NLGN1: variants seen among roughly 807,000 people sequenced by gnomAD.
The protein encoded by NLGN1 is neuroligin 1.
Under a neutral mutation model 65.5 loss-of-function variants are expected in NLGN1, and 12 were observed. The ratio of observed to expected loss-of-function variants is 0.18; its 90% CI spans 0.12 to 0.30. The LOEUF is 0.30. Among genes scored for constraint, NLGN1 ranks in the 10% least tolerant of loss-of-function variants. The pLI, the probability that NLGN1 is intolerant of heterozygous loss-of-function variation, is 1.00. For missense variants in NLGN1, 750 were observed against 1,007.1 expected (o/e 0.74, Z 3.46); for synonymous variants, 350 against 359.5 (o/e 0.97, Z 0.30).
intron 4 of NLGN1, among the ~76,000 whole-genome samples, chr3:174,260,189 G>A (rs1746600894): frequency 1.3e-5 from 2 of 150,902 alleles, no homozygotes; most frequent in East Asian, 3.9e-4. Flanking sequence ...TAGTCCTTTG[G>A]GTATATACCC....
chr3:174,116,990 ATTATT>A (rs1403043803), intron 4 of NLGN1, among the ~76,000 whole-genome samples: 2 of 152,142 alleles, frequency 1.3e-5, no homozygotes, highest in Non-Finnish European at 1.5e-5. Flanking sequence ...TTGTACATCC[ATTATT>A]TTATTTTATA....
intron 2 of NLGN1, among the ~76,000 whole-genome samples, chr3:173,534,224 A>G (rs1049202717): frequency 2.0e-5 from 3 of 152,336 alleles, no homozygotes; most frequent in Non-Finnish European, 2.9e-5. Context: ...ATTGGTGGCC[A>G]CATAAACAAC....
chr3:174,234,649 T>C (rs1035255100), intron 4 of NLGN1, among the ~76,000 whole-genome samples: 1 of 152,102 alleles, frequency 6.6e-6, no homozygotes, highest in African/African-American at 2.4e-5. Flanking sequence ...CAAGCAATTA[T>C]TTTAGAGAAA....
rs1772526838 is a variant in NLGN1, at chr3:173,730,125, A to G, written c.494-77555A>G. On this transcript the variant is annotated intron_variant, in intron 3 of 6. Coordinates refer to ENST00000457714, the Ensembl canonical transcript of NLGN1. ...TATAACATTGGAAGGAGTTCAGTGC[A>G]TATATGCTTATATATTATTATATAT... 4.0e-5 allele frequency among the ~76,000 whole-genome samples: 6 copies of G among 151,386 alleles called. No individual in the cohort carries two copies. In the Admixed American group the frequency reaches 4.0e-4, roughly 10 times the overall value.
At chr3:173,908,099 T>C (rs1329104220) in intron 4 of NLGN1, among the ~76,000 whole-genome samples, 2 of 152,222 alleles carry the variant, frequency 1.3e-5, no homozygotes, top group African/African-American at 4.8e-5. Flanking sequence ...AAATATTGAT[T>C]ACTGCATGTT....
chr3:173,453,895 G>A (rs1722073772), intron 2 of NLGN1, among the ~76,000 whole-genome samples: 1 of 152,170 alleles, frequency 6.6e-6, no homozygotes, highest in African/African-American at 2.4e-5. Context: ...GTCCTTTCCA[G>A]AAGGTTTTCA....
intron 4 of NLGN1, among the ~76,000 whole-genome samples, chr3:173,854,758 C>A (rs780763725): frequency 1.3e-5 from 2 of 151,970 alleles, no homozygotes; most frequent in Non-Finnish European, 2.9e-5. Flanking sequence ...GCTCATAGAA[C>A]ATGTAGCATA....
chr3:173,713,826 C>T (rs1769391769), intron 3 of NLGN1, among the ~76,000 whole-genome samples: 1 of 152,064 alleles, frequency 6.6e-6, no homozygotes, highest in Admixed American at 6.6e-5. Context: ...CCTTAGCTTA[C>T]TTTCTATAAA....
Position 174,036,073 on chromosome 3 carries a change from A to G in NLGN1, c.646+228241A>G, listed in dbSNP as rs530773107. Among the ~76,000 whole-genome samples, 3 of 152,278 alleles carry G rather than the reference A, an allele frequency of 2.0e-5. No individual in the cohort carries two copies. The East Asian group carries it at 5.8e-4, about 29-fold the overall frequency. On this transcript the variant is annotated intron_variant, in intron 4 of 6. Transcript: ENST00000457714. ...TGTAAATGTACATGGCGATTTATTA[A>G]CTTATGCAAGAAAAAATATTAATGC...
chr3:173,820,110 C>A (rs1423882815), intron 4 of NLGN1, among the ~76,000 whole-genome samples: 1 of 145,978 alleles, frequency 6.9e-6, no homozygotes, highest in Non-Finnish European at 1.5e-5. Flanking sequence ...ACCCGGGAGG[C>A]GGAGCTTGCA....
At chr3:173,976,175 G>GA (rs1039884048) in intron 4 of NLGN1, among the ~76,000 whole-genome samples, 12 of 151,922 alleles carry the variant, frequency 7.9e-5, no homozygotes, top group Non-Finnish European at 1.2e-4. Flanking sequence ...CTCCTTTCCT[G>GA]AAAAATGTCC....
intron 4 of NLGN1, among the ~76,000 whole-genome samples, chr3:174,050,736 G>A (rs1037685971): frequency 6.6e-6 from 1 of 151,866 alleles, no homozygotes; most frequent in Admixed American, 6.6e-5. Flanking sequence ...CATTTAGAAT[G>A]GCTTTAAAGC....
At chr3:173,419,627 C>A (rs1304719836) in intron 1 of NLGN1, among the ~76,000 whole-genome samples, 2 of 152,088 alleles carry the variant, frequency 1.3e-5, no homozygotes, top group East Asian at 3.9e-4. Flanking sequence ...AGGCATGAGC[C>A]ACTGTGCCTG....
chr3:173,538,063 G>C (rs944399819), intron 2 of NLGN1, among the ~76,000 whole-genome samples: 2 of 152,182 alleles, frequency 1.3e-5, no homozygotes, highest in African/African-American at 4.8e-5. Flanking sequence ...GCCAGCAAAG[G>C]ATAAAGCTGT....
chr3:173,611,344 G>T lies in NLGN1; in HGVS notation c.493+6253G>T, dbSNP rs546463505. 2.0e-5 allele frequency among the ~76,000 whole-genome samples: 3 copies of T among 152,112 alleles called. No homozygotes were observed. The South Asian group carries it at 6.2e-4, about 32-fold the overall frequency. Reference sequence around the variant, plus strand: ...TATCTTGCCCAAAGATTCATAATTTGTTGTTGGCCAACTGTTTCCTTTGAA... The same window carrying T: ...TATCTTGCCCAAAGATTCATAATTTTTTGTTGGCCAACTGTTTCCTTTGAA... On this transcript the variant is annotated intron_variant, in intron 3 of 6. Transcript: ENST00000457714.
rs375236926 is a variant in NLGN1 at position 173,721,497 on chromosome 3, A to C, written c.494-86183A>C. ...TCTCAGGTTTGGTCACCACACTCTA[A>C]GGTAAAATGTAAACATACGATCATT... On this transcript the variant is annotated intron_variant, in intron 3 of 6. Transcript: ENST00000457714. Among the ~76,000 whole-genome samples the C allele has an allele frequency of 2.6e-5, 4 of 152,346 alleles. No homozygotes were observed. In the South Asian group the frequency reaches 8.3e-4, roughly 32 times the overall value.
intron 4 of NLGN1, among the ~76,000 whole-genome samples, chr3:174,067,508 T>C (rs1161568905): frequency 1.3e-5 from 2 of 152,212 alleles, no homozygotes; most frequent in African/African-American, 4.8e-5. Flanking sequence ...AGTCGGTGTT[T>C]TCTTTCTTCT....
intron 2 of NLGN1, among the ~76,000 whole-genome samples, chr3:173,521,117 G>A (rs1734688115): frequency 6.6e-6 from 1 of 152,120 alleles, no homozygotes; most frequent in African/African-American, 2.4e-5. Flanking sequence ...GGTATAAGAT[G>A]CAAGAAATAA....
chr3:173,538,513 AG>A (rs1737839599), intron 2 of NLGN1, among the ~76,000 whole-genome samples: 2 of 152,236 alleles, frequency 1.3e-5, no homozygotes, highest in Admixed American at 1.3e-4. Flanking sequence ...ATCTAAATCC[AG>A]GGTAAATGTA....
Sources: gnomAD v4.1 joint callset for allele counts (sites outside exome capture counted in the v4.1 genomes callset) on GRCh38, gnomAD v4.1.1 for gene constraint, MANE v1.5 for transcripts, NCBI Gene and HGNC (gene_info 2026-07-23, HGNC 2026-07-21) for gene names.